Variants in PRKCQ observed in about 807,000 individuals in gnomAD.
PRKCQ encodes protein kinase C theta.
Under a neutral mutation model 91.2 loss-of-function variants are expected in PRKCQ, and 41 were observed. That is an observed-to-expected ratio of 0.45 (90% CI 0.35 to 0.58). PRKCQ has a LOEUF of 0.58. PRKCQ is among the 20% of genes least tolerant of loss of function. The pLI is 0.00. For missense variants in PRKCQ, 673 were observed against 896.5 expected (o/e 0.75, Z 3.18); for synonymous variants, 307 against 316.9 (o/e 0.97, Z 0.33).
chr10:6,488,736 A>G (rs550665328), intron 8 of PRKCQ, among the ~76,000 whole-genome samples: 64 of 152,220 alleles, frequency 4.2e-4, no homozygotes, highest in Middle Eastern at 3.4e-3. Context: ...AGCCAGAAAA[A>G]TTCACCTGAA....
At chr10:6,557,740 A>G (rs1165506936) in intron 1 of PRKCQ, among the ~76,000 whole-genome samples, 4 of 152,138 alleles carry the variant, frequency 2.6e-5, no homozygotes, top group Non-Finnish European at 5.9e-5. Context: ...CAGCCCCTCA[A>G]ACACAACTGA....
chr10:6,439,059 G>A (rs1487296500), intron 16 of PRKCQ, among the ~76,000 whole-genome samples: 2 of 152,202 alleles, frequency 1.3e-5, no homozygotes, highest in Admixed American at 6.5e-5. Flanking sequence ...ATACACTGTG[G>A]AGAATATTTC....
chr10:6,525,782 G>A (rs1468809861), intron 1 of PRKCQ, among the ~76,000 whole-genome samples: 2 of 152,158 alleles, frequency 1.3e-5, no homozygotes, highest in Non-Finnish European at 2.9e-5. Context: ...AGGGGGATCT[G>A]CTGGAGGCCA....
chr10:6,436,411 G>A (rs905659915), intron 16 of PRKCQ, among the ~76,000 whole-genome samples: 1 of 152,132 alleles, frequency 6.6e-6, no homozygotes, highest in Non-Finnish European at 1.5e-5. Flanking sequence ...CGTAATGATA[G>A]CATAAGATTA....
downstream of PRKCQ, among the ~76,000 whole-genome samples, chr10:6,426,570 T>C (rs1442774169): frequency 6.6e-6 from 1 of 152,210 alleles, no homozygotes; most frequent in East Asian, 1.9e-4. Context: ...TGAAGATAGA[T>C]GCCCATCCTT....
At chr10:6,425,052 G>C (rs1192788758), downstream of PRKCQ, among the ~76,000 whole-genome samples, 1 of 152,132 alleles carries the variant, frequency 6.6e-6, no homozygotes, top group Admixed American at 6.5e-5. Context: ...GAATTAGGAA[G>C]TCCACTTAAA....
intron 12 of PRKCQ, among the ~76,000 whole-genome samples, chr10:6,467,347 GAGAGAGAGAC>G (rs1564324120): frequency 1.4e-4 from 18 of 132,446 alleles, no homozygotes; most frequent in Non-Finnish European, 2.6e-4. Context: ...GAGAGAGAGA[GAGAGAGAGAC>G]AGAGAGAGAG....
At chr10:6,537,195 C>T (rs1382543444) in intron 1 of PRKCQ, among the ~76,000 whole-genome samples, 7 of 152,086 alleles carry the variant, frequency 4.6e-5, no homozygotes, top group Non-Finnish European at 8.8e-5. Flanking sequence ...TTTTATTTCT[C>T]GCTTTGTTTT....
intron 4 of PRKCQ, among the ~76,000 whole-genome samples, chr10:6,503,194 G>C (rs1838012617): frequency 6.6e-6 from 1 of 152,214 alleles, no homozygotes; most frequent in Non-Finnish European, 1.5e-5. Flanking sequence ...TAGGGTAAAA[G>C]AGAAACTGGA....
rs142599962 is a variant in PRKCQ, at chr10:6,514,862, G to A, written c.118+156C>T. Among the ~76,000 whole-genome samples, 447 of 152,314 alleles carry A rather than the reference G, an allele frequency of 2.9e-3. 5 individuals are homozygous for A. The highest frequency in any genetic ancestry group is 0.01 in the African/African-American group (436 of 41,550). On this transcript the variant is annotated intron_variant, in intron 2 of 17. Transcript: ENST00000263125. ...AGTCCATCACGAAATGTGTGTCCAT[G>A]AGGAAGTCCTTGGCTTTGCTGGGCA...
At chr10:6,486,195 C>G (rs758063962) in intron 8 of PRKCQ, 51 bp from the exon 9 acceptor site, 2 of 1,435,992 alleles carry the variant, frequency 1.4e-6, no homozygotes, top group Non-Finnish European at 2.0e-6. Flanking sequence ...CCCCCTGGTG[C>G]TAAACAACTC....
Position 6,427,989 on chromosome 10 carries a change from T to C in PRKCQ, c.*218A>G, listed in dbSNP as rs954567899. 9 of 580,844 alleles carry C rather than the reference T, an allele frequency of 1.5e-5. No individual in the cohort carries two copies. The highest frequency in any genetic ancestry group is 2.1e-5 in the Non-Finnish European group (7 of 331,604). The allele number at this position is 580,844 out of a possible 1,614,324, so 36.0% of individuals were successfully genotyped here. On this transcript the variant is annotated 3_prime_UTR_variant, in exon 18 of 18. Coordinates refer to ENST00000263125, the MANE Select transcript of PRKCQ (RefSeq NM_006257.5). Reference sequence around the variant, plus strand: ...GTAATGACCTAACTTCAGGAGCGTCTGTGAGACATGTCAGGAGACGAGACA... The same window carrying C: ...GTAATGACCTAACTTCAGGAGCGTCCGTGAGACATGTCAGGAGACGAGACA...
At chr10:6,531,215 G>T (rs1318121182) in intron 1 of PRKCQ, among the ~76,000 whole-genome samples, 1 of 151,906 alleles carries the variant, frequency 6.6e-6, no homozygotes, top group Non-Finnish European at 1.5e-5. Flanking sequence ...GCATATTGAA[G>T]TTCGCAAAGC....
intron 1 of PRKCQ, among the ~76,000 whole-genome samples, chr10:6,516,873 C>T (rs1180323095): frequency 6.6e-6 from 1 of 152,134 alleles, no homozygotes; most frequent in African/African-American, 2.4e-5. Flanking sequence ...GCTTCCATTA[C>T]AGCAAGGAAG....
intron 12 of PRKCQ, among the ~76,000 whole-genome samples, chr10:6,477,317 G>C (rs1836322758): frequency 6.6e-6 from 1 of 152,188 alleles, no homozygotes; most frequent in Admixed American, 6.5e-5. Context: ...ACAGTGCTTT[G>C]AGCACAGCAT....
chr10:6,394,881 T>C, the PRKCQ span, among the ~76,000 whole-genome samples: 8 of 152,206 alleles, frequency 5.3e-5, no homozygotes, highest in Non-Finnish European at 1.0e-4. Flanking sequence ...CTTCTCTTCA[T>C]GACTCTTCCC....
intron 1 of PRKCQ, among the ~76,000 whole-genome samples, chr10:6,546,644 A>G (rs1049417119): frequency 6.6e-6 from 1 of 152,112 alleles, no homozygotes; most frequent in Non-Finnish European, 1.5e-5. Flanking sequence ...GAGACGATGG[A>G]GTTTTCTAGA....
intron 15 of PRKCQ, among the ~76,000 whole-genome samples, chr10:6,451,813 C>T (rs1158567555): frequency 6.6e-6 from 1 of 152,100 alleles, no homozygotes; most frequent in Admixed American, 6.5e-5. Flanking sequence ...ATAAACAGAG[C>T]CAAAGACAAA....
At chr10:6,492,225 C>A (rs1020294360) in intron 7 of PRKCQ, among the ~76,000 whole-genome samples, 1 of 125,206 alleles carries the variant, frequency 8.0e-6, no homozygotes, top group East Asian at 2.3e-4. Flanking sequence ...GTGCTTTTAA[C>A]CTTTGGAAGA....
Sources: allele counts gnomAD v4.1 joint callset (sites outside exome capture counted in the v4.1 genomes callset), GRCh38; gene constraint gnomAD v4.1.1; transcripts MANE v1.5; gene names NCBI Gene and HGNC (gene_info 2026-07-23, HGNC 2026-07-21).